Variants in CAPN13 observed in about 807,000 individuals in gnomAD.
CAPN13 encodes calpain-13.
In CAPN13, 90 loss-of-function variants were observed where a neutral mutation model predicts 98.4. The ratio of observed to expected loss-of-function variants is 0.92; its 90% CI spans 0.77 to 1.09. CAPN13 has a LOEUF of 1.09. Ranked by LOEUF, CAPN13 falls within the 50% of genes least tolerant of loss-of-function variation. CAPN13 has a pLI of 0.00. For missense variants in CAPN13, 887 were observed against 841.3 expected, an observed-to-expected ratio of 1.05 and a Z score of -0.67; for synonymous variants, 330 against 305.5, an observed-to-expected ratio of 1.08 and a Z score of -0.84.
At chr2:30,777,325 G>GT (rs1365573446) in intron 3 of CAPN13, among the ~76,000 whole-genome samples, 1 of 152,242 alleles carries the variant, frequency 6.6e-6, no homozygotes, top group Non-Finnish European at 1.5e-5. Context: ...AAATGGGGTT[G>GT]TTGCACACAC....
intron 7 of CAPN13, among the ~76,000 whole-genome samples, chr2:30,759,121 CTG>C (rs1491034604): frequency 1.0e-5 from 1 of 95,810 alleles, no homozygotes; most frequent in Non-Finnish European, 2.0e-5. Context: ...CTTTCTTCCT[CTG>C]TCTCTTCCTT....
At chr2:30,724,067 T>C (rs957677070) in intron 22 of CAPN13, among the ~76,000 whole-genome samples, 4 of 152,368 alleles carry the variant, frequency 2.6e-5, no homozygotes, top group Middle Eastern at 3.4e-3. Flanking sequence ...TGACTTCTTA[T>C]GATGCAAGAT....
Position 30,743,356 on chromosome 2 carries a change from C to A in CAPN13, c.1445+27G>T, listed in dbSNP as rs1572801111. 3 of 1,589,010 alleles carry A rather than the reference C, an allele frequency of 1.9e-6. No individual in the cohort carries two copies. In the Middle Eastern group the frequency reaches 5.0e-4, roughly 264 times the overall value. On this transcript the variant is annotated intron_variant, in intron 13 of 22. Coordinates refer to ENST00000295055, the MANE Select transcript of CAPN13 (RefSeq NM_144575.3). Reference sequence around the variant, plus strand: ...TTTTATAAAGTTAAGTAGAATAAAACATTTACAATCCCAGAGGGTTCTGTA... The same window carrying A: ...TTTTATAAAGTTAAGTAGAATAAAAAATTTACAATCCCAGAGGGTTCTGTA...
intron 7 of CAPN13, among the ~76,000 whole-genome samples, chr2:30,758,659 A>G (rs577551661): frequency 6.6e-6 from 1 of 152,302 alleles, no homozygotes; most frequent in East Asian, 1.9e-4. Context: ...GAACCAAGAT[A>G]GCCAAGGCTA....
chr2:30,753,578 T>C (rs1448234992), intron 9 of CAPN13, among the ~76,000 whole-genome samples: 1 of 152,034 alleles, frequency 6.6e-6, no homozygotes, highest in Non-Finnish European at 1.5e-5. Flanking sequence ...AAATTTATTG[T>C]TGAGGTCTTT....
rs574789322 is a variant in CAPN13, at chr2:30,739,390, A to T, written c.1537-933T>A. ...GAATGAGCACCTTCCATCTCCCAGG[A>T]TTGGCCTTACCACCTTGAACTGGAA... On this transcript the variant is annotated intron_variant, in intron 15 of 22. Coordinates refer to ENST00000295055, the MANE Select transcript of CAPN13 (RefSeq NM_144575.3). Among the ~76,000 whole-genome samples, 22 of 152,166 alleles carry T rather than the reference A, an allele frequency of 1.4e-4. No individual in the cohort carries two copies. The South Asian group carries it at 3.7e-3, about 26-fold the overall frequency.
chr2:30,766,354 A>G (rs1424922323), intron 5 of CAPN13, among the ~76,000 whole-genome samples: 1 of 152,170 alleles, frequency 6.6e-6, no homozygotes, highest in Non-Finnish European at 1.5e-5. Context: ...ACTCCCTGCC[A>G]CTCACGGCTA....
At chr2:30,769,736 TA>T (rs1243633704) in intron 5 of CAPN13, among the ~76,000 whole-genome samples, 1 of 152,226 alleles carries the variant, frequency 6.6e-6, no homozygotes, top group East Asian at 1.9e-4. Flanking sequence ...TAAGTTATGG[TA>T]TTTTGACCAT....
At chr2:30,728,239 CAT>C (rs1038134868) in intron 22 of CAPN13, among the ~76,000 whole-genome samples, 5 of 150,844 alleles carry the variant, frequency 3.3e-5, no homozygotes, top group Non-Finnish European at 7.4e-5. Flanking sequence ...TTCTAACAAT[CAT>C]ATTGTGGTGA....
rs200365307 is a variant in CAPN13, at chr2:30,787,140, C to A, written c.186G>T (p.Trp62Cys). 4.4e-5 allele frequency: 69 copies of A among 1,566,910 alleles called. No individual in the cohort carries two copies. The African/African-American group carries it at 7.3e-4, about 17-fold the overall frequency. Residue 62 changes from tryptophan (W) to cysteine (C), a missense_variant, in exon 2 of 23, where the codon TGG (tryptophan) becomes TGT (cysteine). By Grantham distance (215) the Trp-to-Cys change is radical (BLOSUM62 -2). Coordinates refer to ENST00000295055, the MANE Select transcript of CAPN13 (RefSeq NM_144575.3). The part of the protein sequence containing the change: ...LQEKRLSNVI[W>C]KRPQDLPGGP... ...GGGGCTCACTCACCTGTGGCCGCTT[C>A]CATATCACATTGGAGAGGCGTTTTT...
intron 2 of CAPN13, among the ~76,000 whole-genome samples, chr2:30,779,187 C>T (rs996310913): frequency 3.9e-5 from 6 of 152,156 alleles, no homozygotes; most frequent in African/African-American, 1.4e-4. Flanking sequence ...TCACTGTGGT[C>T]CTGCTAGCTC....
At chr2:30,728,756 A>G (rs1308013098) in intron 22 of CAPN13, among the ~76,000 whole-genome samples, 2 of 152,212 alleles carry the variant, frequency 1.3e-5, no homozygotes, top group Non-Finnish European at 2.9e-5. Context: ...TAAAAAGTGT[A>G]GTCCAGCTGC....
Position 30,744,627 on chromosome 2 carries a change from CT to C in CAPN13, c.1249-1049del, listed in dbSNP as rs145539772. On this transcript the variant is annotated intron_variant, in intron 12 of 22. Coordinates refer to ENST00000295055, the MANE Select transcript of CAPN13 (RefSeq NM_144575.3). ...AACAGTCTCCCTGCTCACCCGTTAT[CT>C]TGTCCTGCTCCCTCTGTTGACCCCT... Among the ~76,000 whole-genome samples, 24 of 152,296 alleles carry C rather than the reference CT, an allele frequency of 1.6e-4. No individual in the cohort carries two copies. The East Asian group carries it at 4.6e-3, about 29-fold the overall frequency.
rs1670746012 is a variant in CAPN13, at chr2:30,723,035, T to A, written c.*232A>T. The stretch of plus-strand genomic sequence containing the variant: ...TCCAGGGCAACGTAGGCTGAATACA[T>A]CCCAAAGTGCTCAGATGAGCTGCTT... On this transcript the variant is annotated 3_prime_UTR_variant, in exon 23 of 23. Coordinates refer to ENST00000295055, the MANE Select transcript of CAPN13 (RefSeq NM_144575.3). The A allele has an allele frequency of 6.6e-6, 1 of 152,178 alleles. No individual in the cohort carries two copies. The highest frequency in any genetic ancestry group is 1.5e-5 in the Non-Finnish European group (1 of 68,062). The allele number at this position is 152,178 out of a possible 1,614,324, so 9.4% of individuals were successfully genotyped here. A position where few individuals can be genotyped will look rare whatever the true frequency, so the allele number is the denominator to read the frequency against.
chr2:30,785,314 A>G (rs557010059), intron 2 of CAPN13, among the ~76,000 whole-genome samples: 239 of 152,330 alleles, frequency 1.6e-3, no homozygotes, highest in Non-Finnish European at 2.8e-3. Flanking sequence ...CTATAAAGTT[A>G]GGAGAAAACA....
At chr2:30,786,685 G>A (rs1459561929) in intron 2 of CAPN13, among the ~76,000 whole-genome samples, 2 of 152,126 alleles carry the variant, frequency 1.3e-5, no homozygotes, top group Non-Finnish European at 2.9e-5. Context: ...ATCCTATAGT[G>A]TAAATGACTG....
At chr2:30,744,507 T>C in intron 12 of CAPN13, among the ~76,000 whole-genome samples, 1 of 152,190 alleles carries the variant, frequency 6.6e-6, no homozygotes, top group South Asian at 2.1e-4. Context: ...CCCGTGGCTC[T>C]GGGTATGGGC....
In CAPN13 at chr2:30,732,498, C is replaced by T. The variant is rs369279197; in HGVS notation, c.1867G>A (p.Val623Ile). Residue 623 changes from valine (V) to isoleucine (I), a missense_variant, in exon 20 of 23, where the codon GTC (valine) becomes ATC (isoleucine). Coordinates refer to ENST00000295055, the MANE Select transcript of CAPN13 (RefSeq NM_144575.3). ...AGGCTGGGGAAGCTGACCCTGCCGA[C>T]GCTGTCGCTGTACCTGAGGGTCACC... ...HLVTLRYSDS[V>I]GRVSFPSLVC... 1.6e-5 allele frequency: 25 copies of T among 1,612,656 alleles called. No homozygotes were observed. The highest frequency in any genetic ancestry group is 5.5e-5 in the South Asian group (5 of 90,810).
intron 15 of CAPN13, among the ~76,000 whole-genome samples, chr2:30,738,842 G>C (rs1373012923): frequency 6.6e-6 from 1 of 151,358 alleles, no homozygotes; most frequent in Non-Finnish European, 1.5e-5. Context: ...AAAGAGACTA[G>C]GAAAAACTAT....
Sources: allele counts gnomAD v4.1 joint callset (sites outside exome capture counted in the v4.1 genomes callset), GRCh38; gene constraint gnomAD v4.1.1; transcripts MANE v1.5; gene names NCBI Gene and HGNC (gene_info 2026-07-23, HGNC 2026-07-21).